Variants in TASP1 observed in about 807,000 individuals in gnomAD.
The protein encoded by TASP1 is taspase 1.
Under a neutral mutation model 56.6 loss-of-function variants are expected in TASP1, and 16 were observed. The observed-to-expected ratio is 0.28, with a 90% CI of 0.19 to 0.43. TASP1 has a LOEUF of 0.43. Ranked by LOEUF, TASP1 falls within the 20% of genes least tolerant of loss-of-function variation. TASP1 has a pLI of 1.00. For missense variants in TASP1, 393 were observed against 511.6 expected (o/e 0.77, Z 2.24); for synonymous variants, 179 against 184.2 (o/e 0.97, Z 0.23).
chr20:13,459,337 A>G (rs753444626), intron 11 of TASP1, among the ~76,000 whole-genome samples: 3 of 152,074 alleles, frequency 2.0e-5, no homozygotes, highest in Non-Finnish European at 4.4e-5. Flanking sequence ...CCAGACTCCA[A>G]CAACCTCCCT....
At chr20:13,351,100 T>C in the TASP1 span, among the ~76,000 whole-genome samples, 1 of 152,126 alleles carries the variant, frequency 6.6e-6, no homozygotes, top group African/African-American at 2.4e-5. Flanking sequence ...TCATTACCTA[T>C]TAAGGAATAG....
intron 11 of TASP1, among the ~76,000 whole-genome samples, chr20:13,462,760 G>GA (rs1294018976): frequency 1.3e-5 from 2 of 151,944 alleles, no homozygotes; most frequent in African/African-American, 4.8e-5. Flanking sequence ...AAATTAAGGG[G>GA]AAAAATCCAT....
the TASP1 span, among the ~76,000 whole-genome samples, chr20:13,327,088 T>C: frequency 1.3e-5 from 2 of 152,226 alleles, no homozygotes; most frequent in African/African-American, 4.8e-5. Flanking sequence ...AAAAGCTTCT[T>C]AAGCTGATAA....
intron 11 of TASP1, among the ~76,000 whole-genome samples, chr20:13,458,224 A>G (rs143597383): frequency 2.0e-5 from 3 of 152,266 alleles, no homozygotes; most frequent in Non-Finnish European, 4.4e-5. Flanking sequence ...TTTGTTAACA[A>G]GAGCAAGTTC....
At chr20:13,514,947 A>G (rs995706418) in intron 10 of TASP1, among the ~76,000 whole-genome samples, 1 of 152,170 alleles carries the variant, frequency 6.6e-6, no homozygotes, top group Admixed American at 6.6e-5. Context: ...TTACATTTAC[A>G]TGTTCCCACT....
the TASP1 span, chr20:13,117,537 A>T: frequency 2.9e-5 from 46 of 1,608,234 alleles, no homozygotes; most frequent in South Asian, 4.9e-4. Flanking sequence ...TCTGCCCCAG[A>T]TCATAGCTCT....
the TASP1 span, among the ~76,000 whole-genome samples, chr20:13,261,746 G>T: frequency 6.6e-6 from 1 of 152,136 alleles, no homozygotes; most frequent in Non-Finnish European, 1.5e-5. Flanking sequence ...TTCAATGAGG[G>T]TTCTTAACTT....
At chr20:13,369,999 C>T in the TASP1 span, among the ~76,000 whole-genome samples, 5 of 152,102 alleles carry the variant, frequency 3.3e-5, no homozygotes, top group African/African-American at 1.2e-4. Flanking sequence ...AGGAACAGTA[C>T]GGTGGTGAGT....
the TASP1 span, among the ~76,000 whole-genome samples, chr20:13,295,532 C>T: frequency 1.3e-5 from 2 of 152,178 alleles, no homozygotes; most frequent in South Asian, 2.1e-4. Context: ...CCTTGTCCTT[C>T]CCCCATCGAT....
Position 13,511,446 on chromosome 20 carries a change from C to G in TASP1, c.874+16987G>C, listed in dbSNP as rs146428244. Among the ~76,000 whole-genome samples the G allele has an allele frequency of 3.8e-4, 58 of 152,192 alleles. 1 individual carries two copies. The highest frequency in any genetic ancestry group is 1.3e-3 in the African/African-American group (53 of 41,522). On this transcript the variant is annotated intron_variant, in intron 10 of 13. Coordinates refer to ENST00000337743, the MANE Select transcript of TASP1 (RefSeq NM_017714.3). ...TTCTTATTATTGAAGCCAATTTGTG[C>G]TGTAATTTCCGTTAACTGCAACCCA...
chr20:13,538,251 G>A (rs2146926773), intron 8 of TASP1, among the ~76,000 whole-genome samples: 1 of 152,184 alleles, frequency 6.6e-6, no homozygotes, highest in Non-Finnish European at 1.5e-5. Flanking sequence ...CTATCCACCT[G>A]CCTTGGCCTC....
chr20:13,429,461 G>A (rs954639447), intron 12 of TASP1, among the ~76,000 whole-genome samples: 1 of 151,604 alleles, frequency 6.6e-6, no homozygotes, highest in Non-Finnish European at 1.5e-5. Context: ...CAATTATTAC[G>A]ATTATTTGTC....
the TASP1 span, among the ~76,000 whole-genome samples, chr20:13,343,069 A>G: frequency 6.6e-6 from 1 of 152,188 alleles, no homozygotes; most frequent in African/African-American, 2.4e-5. Context: ...GAAGGCTCCG[A>G]GAAGGGTCCT....
intron 4 of TASP1, among the ~76,000 whole-genome samples, 197 bp downstream of exon 4, chr20:13,623,249 T>C (rs2048780019): frequency 6.6e-6 from 1 of 152,012 alleles, no homozygotes. Context: ...AAGAAAGGAA[T>C]TTAACCAGCT....
chr20:13,344,947 C>T, the TASP1 span, among the ~76,000 whole-genome samples: 4 of 152,124 alleles, frequency 2.6e-5, no homozygotes, highest in African/African-American at 9.7e-5. Flanking sequence ...TTCTGCTGAG[C>T]TCAGATCCCA....
intron 1 of TASP1, among the ~76,000 whole-genome samples, chr20:13,637,925 A>C (rs2049369189): frequency 6.6e-6 from 1 of 152,248 alleles, no homozygotes. Flanking sequence ...AAGAGGAAAA[A>C]AGACAATCTA....
the TASP1 span, among the ~76,000 whole-genome samples, chr20:13,221,219 A>ACTACTCCTCCTC: frequency 2.7e-4 from 22 of 82,772 alleles, no homozygotes; most frequent in East Asian, 1.7e-3. Flanking sequence ...AAGCCCTCCT[A>ACTACTCCTCCTC]CTCCTCCTCC....
At chr20:13,599,654 T>C (rs958261518) in intron 4 of TASP1, among the ~76,000 whole-genome samples, 5 of 152,008 alleles carry the variant, frequency 3.3e-5, no homozygotes, top group Non-Finnish European at 7.4e-5. Context: ...CGTGTACATC[T>C]ACCCTAGAAC....
chr20:13,598,287 A>G (rs901775515), intron 4 of TASP1, among the ~76,000 whole-genome samples: 1 of 152,204 alleles, frequency 6.6e-6, no homozygotes, highest in Non-Finnish European at 1.5e-5. Context: ...AAACTATACT[A>G]CAAGGCTACA....
Sources: allele counts gnomAD v4.1 joint callset (sites outside exome capture counted in the v4.1 genomes callset), GRCh38; gene constraint gnomAD v4.1.1; transcripts MANE v1.5; gene names NCBI Gene and HGNC (gene_info 2026-07-23, HGNC 2026-07-21).